Variants in TENM1 observed in about 807,000 individuals in gnomAD.
TENM1 encodes teneurin transmembrane protein 1.
Under a neutral mutation model 174.8 loss-of-function variants are expected in TENM1, and 35 were observed. The ratio of observed to expected loss-of-function variants is 0.20; its 90% CI spans 0.15 to 0.27. The LOEUF (loss-of-function observed/expected upper bound fraction) is 0.27. Among genes scored for constraint, TENM1 ranks in the 10% least tolerant of loss-of-function variants. The pLI, the probability that TENM1 is intolerant of heterozygous loss-of-function variation, is 1.00. For synonymous variants in TENM1, 781 were observed against 798.7 expected, an observed-to-expected ratio of 0.98 and a Z score of 0.37; for missense variants, 1,633 against 2,130.1, an observed-to-expected ratio of 0.77 and a Z score of 4.59.
At chrX:124,541,931 T>G (rs1645366898) in intron 15 of TENM1, among the ~76,000 whole-genome samples, 2 of 112,284 alleles carry the variant, frequency 1.8e-5, no homozygotes, top group Non-Finnish European at 3.8e-5. Flanking sequence ...TTCCATTTCC[T>G]GTCTCTTGGA....
At position 124,816,927 on chromosome X, in the gene TENM1, T is replaced by C. The variant is rs138847500; in HGVS notation, c.535+77369A>G. 1.0e-3 allele frequency among the ~76,000 whole-genome samples: 111 copies of C among 110,855 alleles called. 1 individual carries two copies. The highest frequency in any genetic ancestry group is 3.5e-3 in the African/African-American group (106 of 30,478). On this transcript the variant is annotated intron_variant, in intron 3 of 31. Coordinates refer to ENST00000422452, the Ensembl canonical transcript of TENM1. ...ATTATACTTTAAGTTCTGGGGTGCATGTGCAGAACATGCAGTTTTGTTACA... is the reference window on the plus strand; with the variant it reads ...ATTATACTTTAAGTTCTGGGGTGCACGTGCAGAACATGCAGTTTTGTTACA...
intron 11 of TENM1, among the ~76,000 whole-genome samples, chrX:124,606,312 G>T (rs1157281942): frequency 9.0e-6 from 1 of 110,962 alleles, no homozygotes; most frequent in Non-Finnish European, 1.9e-5. Context: ...TCATTTCTTT[G>T]CCTCTATAAG....
At chrX:125,106,317 T>C in the TENM1 span, among the ~76,000 whole-genome samples, 3,490 of 112,353 alleles carry the variant, frequency 0.031, 77 homozygotes, top group Non-Finnish European at 0.053. Context: ...TATAGGTTCC[T>C]TGCCAGTTTT....
intron 17 of TENM1, among the ~76,000 whole-genome samples, chrX:124,522,823 G>A (rs1339979502): frequency 3.6e-5 from 4 of 110,197 alleles, no homozygotes; most frequent in African/African-American, 1.3e-4. Flanking sequence ...TGAGTAGCTG[G>A]GATTACAGGC....
chrX:124,634,495 C>T (rs2050832457), intron 11 of TENM1, among the ~76,000 whole-genome samples: 2 of 111,031 alleles, frequency 1.8e-5, no homozygotes, highest in South Asian at 7.5e-4. Flanking sequence ...GGGCTTTTCC[C>T]TTCAGTGGCA....
chrX:124,547,988 C>T (rs745694968), intron 14 of TENM1, among the ~76,000 whole-genome samples: 1 of 111,628 alleles, frequency 9.0e-6, no homozygotes, highest in Non-Finnish European at 1.9e-5. Flanking sequence ...AGGCGCCCGC[C>T]AACACACCCG....
chrX:125,130,350 A>G, the TENM1 span, among the ~76,000 whole-genome samples: 1 of 111,208 alleles, frequency 9.0e-6, no homozygotes, highest in African/African-American at 3.3e-5. Context: ...TACTCAAAAC[A>G]GAAGTAAAAA....
intron 5 of TENM1, among the ~76,000 whole-genome samples, chrX:124,677,712 G>A (rs997938325): frequency 4.5e-5 from 5 of 111,420 alleles, no homozygotes; most frequent in African/African-American, 1.6e-4. Flanking sequence ...TAAAAGGACT[G>A]ATACTGAGAA....
intron 20 of TENM1, among the ~76,000 whole-genome samples, chrX:124,492,498 GC>G: frequency 9.2e-6 from 1 of 108,747 alleles, no homozygotes; most frequent in African/African-American, 3.3e-5. Context: ...CAGGATAGAT[GC>G]TTTTTTTTTT....
At chrX:124,931,894 C>CACACAT (rs1251790554) in intron 1 of TENM1, among the ~76,000 whole-genome samples, 4 of 110,674 alleles carry the variant, frequency 3.6e-5, no homozygotes, top group African/African-American at 1.3e-4. Flanking sequence ...CACACACACA[C>CACACAT]ACACGTACAC....
At chrX:125,051,972 T>C in the TENM1 span, among the ~76,000 whole-genome samples, 4 of 110,136 alleles carry the variant, frequency 3.6e-5, no homozygotes, top group African/African-American at 1.3e-4. Flanking sequence ...ATCCAGAATC[T>C]ACAATGAACT....
chrX:125,128,337 A>G, the TENM1 span, among the ~76,000 whole-genome samples: 1 of 111,788 alleles, frequency 8.9e-6, no homozygotes, highest in African/African-American at 3.2e-5. Flanking sequence ...TGTGACACTG[A>G]GCAAATACCT....
intron 15 of TENM1, among the ~76,000 whole-genome samples, chrX:124,545,023 T>C (rs999809846): frequency 2.7e-5 from 3 of 112,317 alleles, no homozygotes; most frequent in South Asian, 3.7e-4. Context: ...TGCCCAAAGA[T>C]ATCCCAAATA....
chrX:124,754,919 A>G (rs758695043), intron 3 of TENM1, among the ~76,000 whole-genome samples: 2 of 105,747 alleles, frequency 1.9e-5, no homozygotes, highest in East Asian at 2.9e-4. Context: ...TATGTGGTCA[A>G]TTTTGGAATA....
intron 3 of TENM1, among the ~76,000 whole-genome samples, chrX:124,760,495 G>A (rs761709899): frequency 3.6e-5 from 4 of 111,305 alleles, no homozygotes; most frequent in East Asian, 2.8e-4. Flanking sequence ...GGGCATCCCC[G>A]TCTTGTGCCA....
chrX:125,165,004 G>A, the TENM1 span, among the ~76,000 whole-genome samples: 2 of 111,856 alleles, frequency 1.8e-5, no homozygotes, highest in East Asian at 5.6e-4. Flanking sequence ...AAGGACAAAG[G>A]TTGCTAAAGC....
chrX:124,631,669 G>T (rs991394629), intron 11 of TENM1, among the ~76,000 whole-genome samples: 1 of 109,933 alleles, frequency 9.1e-6, no homozygotes, highest in Admixed American at 9.7e-5. Flanking sequence ...GGAGGCTGAG[G>T]CAGCCGGATC....
chrX:124,580,325 G>A (rs1306499887), intron 11 of TENM1, among the ~76,000 whole-genome samples: 3 of 111,060 alleles, frequency 2.7e-5, no homozygotes, highest in Non-Finnish European at 5.7e-5. Flanking sequence ...CCTGGAGGAT[G>A]TTACGCTAAG....
intron 11 of TENM1, among the ~76,000 whole-genome samples, chrX:124,594,560 T>G (rs1295255368): frequency 1.8e-5 from 2 of 111,833 alleles, no homozygotes; most frequent in African/African-American, 6.5e-5. Flanking sequence ...TCCTCCAGGA[T>G]TTTTTTAAAT....
Sources: allele counts gnomAD v4.1 joint callset (sites outside exome capture counted in the v4.1 genomes callset), GRCh38; gene constraint gnomAD v4.1.1; transcripts MANE v1.5; gene names NCBI Gene and HGNC (gene_info 2026-07-23, HGNC 2026-07-21).